The following RBM45 variants were observed in gnomAD, a reference collection of about 807,000 sequenced individuals.
RBM45 encodes RNA-binding protein 45.
Under a neutral mutation model 58.5 loss-of-function variants are expected in RBM45, and 39 were observed. The observed-to-expected ratio is 0.67, with a 90% CI of 0.52 to 0.87. The LOEUF (loss-of-function observed/expected upper bound fraction) is 0.87, where lower values mean the gene tolerates loss of function less well. Ranked by LOEUF, RBM45 falls within the 40% of genes least tolerant of loss-of-function variation. The pLI is 0.00. For missense variants in RBM45, 481 were observed against 581.6 expected, an observed-to-expected ratio of 0.83 and a Z score of 1.78; for synonymous variants, 193 against 203.0, an observed-to-expected ratio of 0.95 and a Z score of 0.42.
At chr2:178,123,111 T>C (rs1324740799) in intron 5 of RBM45, among the ~76,000 whole-genome samples, 2 of 152,210 alleles carry the variant, frequency 1.3e-5, no homozygotes, top group Non-Finnish European at 2.9e-5. Context: ...GAGTATATAT[T>C]CTTTTCAACT....
At chr2:178,137,299 C>T (rs1218934564) in exon 4 of RBM45, 1 of 152,140 alleles carries the variant, frequency 6.6e-6, no homozygotes, top group East Asian at 1.9e-4. Context: ...ATTGGCTCAA[C>T]CGCTTGGGAA....
downstream of RBM45, among the ~76,000 whole-genome samples, chr2:178,131,089 T>C (rs984670485): frequency 6.6e-6 from 1 of 152,230 alleles, no homozygotes; most frequent in African/African-American, 2.4e-5. Context: ...CTGTCCTCTG[T>C]TTCTTTGTTT....
intron 9 of RBM45, among the ~76,000 whole-genome samples, chr2:178,127,154 A>AT (rs1436817359): frequency 1.3e-5 from 2 of 151,802 alleles, no homozygotes; most frequent in African/African-American, 4.8e-5. Context: ...CGATCTCCTG[A>AT]CCTCATGATC....
chr2:178,130,045 A>G (rs1198032898), downstream of RBM45, among the ~76,000 whole-genome samples: 1 of 152,224 alleles, frequency 6.6e-6, no homozygotes, highest in South Asian at 2.1e-4. Context: ...CTCTAAGATT[A>G]TAAGCCAACA....
chr2:178,116,514 T>C, intron 2 of RBM45, 130 bp downstream of exon 2: 1 of 626,592 alleles, frequency 1.6e-6, no homozygotes, highest in Non-Finnish European at 2.5e-6. Context: ...ACTGCTTTCA[T>C]CAATTTCAAT....
chr2:178,128,162 T>A (rs567802292), intron 9 of RBM45, among the ~76,000 whole-genome samples: 52 of 152,082 alleles, frequency 3.4e-4, no homozygotes, highest in Admixed American at 7.2e-4. Context: ...TGTGCCACCA[T>A]GCCCAGGTAA....
At chr2:178,123,411 G>A (rs2087882806) in intron 5 of RBM45, 111 bp from the exon 6 acceptor site, 1 of 1,075,396 alleles carries the variant, frequency 9.3e-7, no homozygotes, top group Admixed American at 2.8e-5. Context: ...GTATTTACTA[G>A]TTGTGTGATA....
At position 178,112,528 on chromosome 2, in the gene RBM45, T is replaced by G; in HGVS notation, c.-19T>G. 1 of 1,604,322 alleles carries G rather than the reference T, an allele frequency of 6.2e-7. No individual in the cohort carries two copies. The highest frequency in any genetic ancestry group is 1.1e-5 in the South Asian group (1 of 90,314). On this transcript the variant is annotated 5_prime_UTR_variant, in exon 1 of 10. Transcript: ENST00000286070. ...CAGAAGCAAAGAGCAGTGAGGCTCC[T>G]GCATTCGGGTGGAGCACCATGGACG...
At chr2:178,133,306 C>T (rs1459633156), downstream of RBM45, among the ~76,000 whole-genome samples, 1 of 152,102 alleles carries the variant, frequency 6.6e-6, no homozygotes, top group Non-Finnish European at 1.5e-5. Flanking sequence ...CCATTCAAAG[C>T]TTTTACCTAA....
intron 2 of RBM45, among the ~76,000 whole-genome samples, chr2:178,116,705 A>G (rs1237376621): frequency 2.0e-5 from 3 of 152,198 alleles, no homozygotes; most frequent in Non-Finnish European, 4.4e-5. Context: ...TGGTAGAGCT[A>G]TGATTTAAAC....
downstream of RBM45, among the ~76,000 whole-genome samples, chr2:178,130,385 C>T (rs896626850): frequency 1.7e-4 from 26 of 152,048 alleles, no homozygotes; most frequent in Non-Finnish European, 2.4e-4. Context: ...ATTAGCCAGG[C>T]GTGGTGGTGT....
At chr2:178,119,543 G>A (rs147563076) in intron 3 of RBM45, among the ~76,000 whole-genome samples, 6 of 152,280 alleles carry the variant, frequency 3.9e-5, no homozygotes, top group African/African-American at 1.4e-4. Flanking sequence ...GTCCGCATTA[G>A]GATTCCTTTG....
downstream of RBM45, among the ~76,000 whole-genome samples, chr2:178,133,066 C>A (rs2088017946): frequency 6.6e-6 from 1 of 152,038 alleles, no homozygotes; most frequent in Non-Finnish European, 1.5e-5. Context: ...ATATGTTGGA[C>A]CTTAGGTTGG....
chr2:178,120,167 T>C (rs141919615), intron 3 of RBM45, 120 bp from the exon 4 acceptor site: 15,617 of 1,250,134 alleles, frequency 0.012, 148 homozygotes, highest in Non-Finnish European at 0.015. Context: ...GAGATGGCCA[T>C]TGTATAGATT....
intron 5 of RBM45, 65 bp from the exon 6 acceptor site, chr2:178,123,457 T>G: frequency 6.8e-7 from 1 of 1,477,042 alleles, no homozygotes; most frequent in Non-Finnish European, 9.0e-7. Flanking sequence ...TGTGATAGAT[T>G]GTAACATAGG....
intron 9 of RBM45, among the ~76,000 whole-genome samples, chr2:178,128,602 G>A (rs79699670): frequency 0.024 from 3,678 of 152,224 alleles, 78 homozygotes; most frequent in Middle Eastern, 0.065. Context: ...TGCATTTTCA[G>A]CATGGCTGTT....
At chr2:178,121,392 A>G (rs959899832) in intron 5 of RBM45, 33 bp downstream of exon 5, 1 of 942,448 alleles carries the variant, frequency 1.1e-6, no homozygotes, top group Non-Finnish European at 1.5e-6. Context: ...AAATATATAT[A>G]TATGTATATA....
At chr2:178,128,232 T>G (rs1443594433) in intron 9 of RBM45, among the ~76,000 whole-genome samples, 2 of 151,830 alleles carry the variant, frequency 1.3e-5, no homozygotes, top group African/African-American at 4.8e-5. Context: ...ACTCCTAAGC[T>G]CAAGTCATCT....
chr2:178,136,288 C>T (rs776232545), intron 3 of RBM45, among the ~76,000 whole-genome samples: 1 of 152,148 alleles, frequency 6.6e-6, no homozygotes, highest in Non-Finnish European at 1.5e-5. Flanking sequence ...CCAGCCTGAG[C>T]GACAGAGCGA....
Sources: allele counts gnomAD v4.1 joint callset (sites outside exome capture counted in the v4.1 genomes callset), GRCh38; gene constraint gnomAD v4.1.1; transcripts MANE v1.5; gene names NCBI Gene and HGNC (gene_info 2026-07-23, HGNC 2026-07-21).